Variants in GINS2 observed in about 807,000 individuals in gnomAD.
GINS2 encodes the protein DNA replication complex GINS protein PSF2.
Under a neutral mutation model 21.2 loss-of-function variants are expected in GINS2, and 23 were observed. The observed-to-expected ratio is 1.08, with a 90% CI of 0.78 to 1.53. GINS2 has a LOEUF of 1.53. Ranked by LOEUF, GINS2 falls within the 40% of genes most tolerant of loss-of-function variation. The pLI, the probability that GINS2 is intolerant of heterozygous loss-of-function variation, is 0.00. For synonymous variants in GINS2, 118 were observed against 85.6 expected (o/e 1.38, Z -2.09); for missense variants, 323 against 233.9 (o/e 1.38, Z -2.49).
chr16:85,681,199 G>T (rs989125219), intron 3 of GINS2, among the ~76,000 whole-genome samples: 1 of 152,258 alleles, frequency 6.6e-6, no homozygotes, highest in African/African-American at 2.4e-5. Flanking sequence ...GAGTAAAGCT[G>T]TGCTAAATAA....
intron 3 of GINS2, among the ~76,000 whole-genome samples, chr16:85,680,952 G>A (rs2053727251): frequency 6.6e-6 from 1 of 152,244 alleles, no homozygotes; most frequent in South Asian, 2.1e-4. Context: ...TTTAAGCAGG[G>A]AGTCACATGG....
At chr16:85,681,767 T>G in intron 2 of GINS2, 86 bp from the exon 3 acceptor site, 1 of 772,430 alleles carries the variant, frequency 1.3e-6, no homozygotes, top group Non-Finnish European at 2.2e-6. Context: ...GCCTATATTA[T>G]CTGGCAAATA....
At chr16:85,685,028 A>C (rs2053763121) in intron 2 of GINS2, among the ~76,000 whole-genome samples, 3 of 152,128 alleles carry the variant, frequency 2.0e-5, no homozygotes, top group Non-Finnish European at 4.4e-5. Flanking sequence ...ACCTCAGGTG[A>C]TCCACCCATC....
Position 85,678,672 on chromosome 16 carries a change from G to A in GINS2, c.306-6C>T, listed in dbSNP as rs561728415. On this transcript the variant is annotated splice_region_variant and splice_polypyrimidine_tract_variant and intron_variant, in intron 3 of 4. Coordinates refer to ENST00000253462, the MANE Select transcript of GINS2 (RefSeq NM_016095.3). ...TCGGGATGTTGTCTGAAGCACTAAA[G>A]GAGCAAGGGCTAAAGTCAGTCGGGG... 2.5e-6 allele frequency: 4 copies of A among 1,613,210 alleles called. No homozygotes were observed. Among genetic ancestry groups the A allele is most frequent in the South Asian group, 2.2e-5 (2 of 90,988 alleles).
intron 2 of GINS2, among the ~76,000 whole-genome samples, chr16:85,684,402 G>A (rs144737682): frequency 1.8e-4 from 28 of 152,268 alleles, no homozygotes; most frequent in African/African-American, 5.5e-4. Flanking sequence ...GGCTGAGATG[G>A]GAGGATCACT....
chr16:85,685,201 C>A (rs2053764478), intron 2 of GINS2, among the ~76,000 whole-genome samples: 1 of 152,132 alleles, frequency 6.6e-6, no homozygotes, highest in Admixed American at 6.5e-5. Context: ...GGCTCCAGCC[C>A]AGGTAAAAAG....
At chr16:85,687,387 C>T (rs1021136322) in intron 2 of GINS2, 73 bp downstream of exon 2, 3 of 806,438 alleles carry the variant, frequency 3.7e-6, no homozygotes, top group Non-Finnish European at 5.8e-6. Context: ...CCCATGCCTC[C>T]ACCCCGTGGG....
intron 2 of GINS2, among the ~76,000 whole-genome samples, chr16:85,682,015 T>A (rs914101521): frequency 2.7e-5 from 4 of 147,454 alleles, no homozygotes; most frequent in African/African-American, 1.0e-4. Flanking sequence ...GATTTACCTT[T>A]ACCGCCTTTT....
At chr16:85,681,558 C>G (rs756297964) in intron 3 of GINS2, 24 bp downstream of exon 3, 1 of 1,373,674 alleles carries the variant, frequency 7.3e-7, no homozygotes, top group South Asian at 1.2e-5. Context: ...TGGGTGTGGC[C>G]TCTAAGAGGT....
chr16:85,687,596 C>T (rs1205824456), intron 1 of GINS2, 22 bp from the exon 2 acceptor site: 1 of 1,385,950 alleles, frequency 7.2e-7, no homozygotes, highest in Non-Finnish European at 9.9e-7. Flanking sequence ...AAAACAATTC[C>T]CCGTAAGATT....
At chr16:85,688,229 G>C (rs185670879) in intron 1 of GINS2, among the ~76,000 whole-genome samples, 1 of 152,166 alleles carries the variant, frequency 6.6e-6, no homozygotes, top group Non-Finnish European at 1.5e-5. Context: ...GGGGAGCCCA[G>C]GAGTTCGAGG....
Position 85,676,626 on chromosome 16 carries a change from C to T in GINS2, c.*1586G>A, listed in dbSNP as rs1035076862. ...TGGGTGATAAGTCTTTAGGCTCAGC[C>T]TGTCACACATGCGCATTCTCAGAGC... On this transcript the variant is annotated 3_prime_UTR_variant, in exon 5 of 5. Coordinates refer to ENST00000253462, the MANE Select transcript of GINS2 (RefSeq NM_016095.3). 2.6e-5 allele frequency: 4 copies of T among 152,254 alleles called. No individual in the cohort carries two copies. The highest frequency in any genetic ancestry group is 5.9e-5 in the Non-Finnish European group (4 of 68,070). The allele number at this position is 152,254 out of a possible 1,614,324, so 9.4% of individuals were successfully genotyped here. A position where few individuals can be genotyped will look rare whatever the true frequency, so the allele number is the denominator to read the frequency against.
At chr16:85,688,682 G>C (rs1473285691) in intron 1 of GINS2, 127 bp downstream of exon 1, 7 of 455,284 alleles carry the variant, frequency 1.5e-5, no homozygotes, top group African/African-American at 1.4e-4. Flanking sequence ...AGCGAGTCAA[G>C]CGCCGAGTGG....
intron 2 of GINS2, among the ~76,000 whole-genome samples, chr16:85,684,920 C>G (rs1426316825): frequency 2.0e-5 from 3 of 151,944 alleles, no homozygotes; most frequent in Admixed American, 6.6e-5. Context: ...TCCCAAGTAG[C>G]TGGGATTACA....
chr16:85,685,929 A>T (rs998220204), intron 2 of GINS2, among the ~76,000 whole-genome samples: 1 of 152,022 alleles, frequency 6.6e-6, no homozygotes, highest in Non-Finnish European at 1.5e-5. Context: ...AAAAAGAAAA[A>T]AAAAAAATCA....
chr16:85,687,301 G>C (rs377180857), intron 2 of GINS2, among the ~76,000 whole-genome samples, 159 bp downstream of exon 2: 2 of 152,256 alleles, frequency 1.3e-5, no homozygotes, highest in Non-Finnish European at 2.9e-5. Flanking sequence ...GCTGAGAGGT[G>C]AATCTGGAAG....
At chr16:85,682,274 C>A (rs117581232) in intron 2 of GINS2, among the ~76,000 whole-genome samples, 2 of 152,066 alleles carry the variant, frequency 1.3e-5, no homozygotes, top group African/African-American at 2.4e-5. Context: ...CTCAGCTTCT[C>A]GAAGTGCTGG....
chr16:85,681,512 A>G lies in GINS2; in HGVS notation c.305+70T>C, dbSNP rs142428661. Reference sequence around the variant, plus strand: ...ATAAGCAGGGAAGCGGAGAGGAAGGACGAGGGTTAGGGGAAGGGCATGGCG... The same window carrying G: ...ATAAGCAGGGAAGCGGAGAGGAAGGGCGAGGGTTAGGGGAAGGGCATGGCG... On this transcript the variant is annotated intron_variant, in intron 3 of 4. Coordinates refer to ENST00000253462, the MANE Select transcript of GINS2 (RefSeq NM_016095.3). The G allele has an allele frequency of 7.7e-4, 689 of 895,224 alleles. 8 individuals are homozygous for G. In the East Asian group the frequency reaches 0.016, roughly 21 times the overall value. 55.5% of individuals were successfully genotyped at this position (895,224 alleles called of 1,614,324 possible).
chr16:85,679,762 C>G (rs974534351), intron 3 of GINS2, among the ~76,000 whole-genome samples: 5 of 152,172 alleles, frequency 3.3e-5, no homozygotes, highest in Non-Finnish European at 7.3e-5. Context: ...CTTACCTAGC[C>G]TGTTTATAGA....
Sources: allele counts gnomAD v4.1 joint callset (sites outside exome capture counted in the v4.1 genomes callset), GRCh38; gene constraint gnomAD v4.1.1; transcripts MANE v1.5; gene names NCBI Gene and HGNC (gene_info 2026-07-23, HGNC 2026-07-21).